Variants in ANKRD13C observed in about 807,000 individuals in gnomAD.
The protein encoded by ANKRD13C is ankyrin repeat domain-containing protein 13C.
A neutral mutation model predicts 65.5 loss-of-function variants in ANKRD13C; 16 were observed. The ratio of observed to expected loss-of-function variants is 0.24; its 90% confidence interval spans 0.17 to 0.37. The LOEUF (loss-of-function observed/expected upper bound fraction) is 0.37, where lower values mean the gene tolerates loss of function less well. ANKRD13C is among the 10% of genes least tolerant of loss of function. ANKRD13C has a pLI of 1.00. For synonymous variants in ANKRD13C, 235 were observed against 238.7 expected (o/e 0.98, Z 0.14); for missense variants, 503 against 655.9 (o/e 0.77, Z 2.55).
In ANKRD13C at chr1:70,354,690, G is replaced by A. The variant is rs1449822340; in HGVS notation, c.-282C>T. ...GCAGCCGCCGTCGCTGCCTTACACC[G>A]AAAAACAGGGCACGGCCATCTTCCT... On this transcript the variant is annotated 5_prime_UTR_variant, in exon 1 of 13. Transcript: ENST00000370944. The A allele has an allele frequency of 5.2e-6, 4 of 766,076 alleles. No homozygotes were observed. The highest frequency in any genetic ancestry group is 2.7e-5 in the East Asian group (1 of 36,974). 47.5% of individuals were successfully genotyped at this position (766,076 alleles called of 1,614,324 possible).
intron 6 of ANKRD13C, 50 bp from the exon 7 acceptor site, chr1:70,300,958 A>C (rs376961912): frequency 6.5e-7 from 1 of 1,549,086 alleles, no homozygotes; most frequent in African/African-American, 1.4e-5. Flanking sequence ...ATTTTGATAA[A>C]ACTTCACTAA....
chr1:70,351,149 G>C (rs1682727278), intron 1 of ANKRD13C, among the ~76,000 whole-genome samples: 1 of 152,178 alleles, frequency 6.6e-6, no homozygotes, highest in Admixed American at 6.5e-5. Flanking sequence ...GCTGCTGTGA[G>C]GATTAAATGT....
chr1:70,275,023 G>A (rs1478343863), intron 10 of ANKRD13C, among the ~76,000 whole-genome samples: 1 of 152,052 alleles, frequency 6.6e-6, no homozygotes, highest in African/African-American at 2.4e-5. Flanking sequence ...AAGAGTAAAA[G>A]TTCAGAAATT....
chr1:70,274,700 G>A lies in ANKRD13C; in HGVS notation c.1394+20C>T, dbSNP rs577776202. On this transcript the variant is annotated intron_variant, in intron 11 of 12. Transcript: ENST00000370944. ...TTAATAGTTTCTTTCATAAACATTTGTAGTTAGTAACAAACTTACAACTCT... is the reference window on the plus strand; with the variant it reads ...TTAATAGTTTCTTTCATAAACATTTATAGTTAGTAACAAACTTACAACTCT... The A allele has an allele frequency of 2.0e-6, 3 of 1,518,784 alleles. No homozygotes were observed. The highest frequency in any genetic ancestry group is 2.7e-5 in the African/African-American group (2 of 72,924). 94.1% of individuals were successfully genotyped at this position (1,518,784 alleles called of 1,614,324 possible).
chr1:70,334,281 G>A (rs747607744), intron 2 of ANKRD13C, among the ~76,000 whole-genome samples: 3 of 151,972 alleles, frequency 2.0e-5, no homozygotes, highest in East Asian at 1.9e-4. Context: ...AGCTAGGATC[G>A]CACCACTATA....
intron 7 of ANKRD13C, 127 bp downstream of exon 7, chr1:70,300,637 A>G: frequency 2.4e-6 from 2 of 834,156 alleles, no homozygotes; most frequent in Non-Finnish European, 3.4e-6. Context: ...TCAGGAAACT[A>G]TAGCTTTAGG....
In ANKRD13C at chr1:70,262,600, G is replaced by A. The variant is rs1490442811; in HGVS notation, c.*117C>T. On this transcript the variant is annotated 3_prime_UTR_variant, in exon 13 of 13. Coordinates refer to ENST00000370944, the MANE Select transcript of ANKRD13C (RefSeq NM_030816.5). Reference sequence around the variant, plus strand: ...CACTGTATCGTATTACTGATGTGTCGATTCAATGTGTAATTCCCTTTTCTT... The same window carrying A: ...CACTGTATCGTATTACTGATGTGTCAATTCAATGTGTAATTCCCTTTTCTT... The A allele has an allele frequency of 8.6e-7, 1 of 1,165,368 alleles. No homozygotes were observed. The highest frequency in any genetic ancestry group is 1.2e-6 in the Non-Finnish European group (1 of 846,608). 72.2% of individuals were successfully genotyped at this position (1,165,368 alleles called of 1,614,324 possible). A position where few individuals can be genotyped will look rare whatever the true frequency, so the allele number is the denominator to read the frequency against.
At chr1:70,309,715 CAA>C (rs1165416550) in intron 5 of ANKRD13C, among the ~76,000 whole-genome samples, 4 of 138,840 alleles carry the variant, frequency 2.9e-5, no homozygotes, top group Non-Finnish European at 4.6e-5. Flanking sequence ...GACTCCGTCG[CAA>C]AAAAAAAAAA....
chr1:70,314,653 A>G (rs750837536), intron 4 of ANKRD13C, among the ~76,000 whole-genome samples: 40 of 152,182 alleles, frequency 2.6e-4, no homozygotes, highest in East Asian at 7.7e-4. Context: ...TTCTTTTTCA[A>G]AAAGTGATAA....
chr1:70,309,368 C>A (rs1680736368), intron 5 of ANKRD13C, among the ~76,000 whole-genome samples: 1 of 151,264 alleles, frequency 6.6e-6, no homozygotes, highest in Admixed American at 6.6e-5. Context: ...CCACTGCACC[C>A]AGCCTACTCC....
chr1:70,353,459 C>T (rs1470730800), intron 1 of ANKRD13C, among the ~76,000 whole-genome samples: 1 of 152,100 alleles, frequency 6.6e-6, no homozygotes, highest in Non-Finnish European at 1.5e-5. Context: ...GTGTGGCTTT[C>T]AGAAATCTAA....
intron 3 of ANKRD13C, among the ~76,000 whole-genome samples, chr1:70,316,507 A>AC (rs1478988873): frequency 6.7e-6 from 1 of 149,004 alleles, no homozygotes; most frequent in African/African-American, 2.5e-5. Flanking sequence ...ACATAGTAAG[A>AC]CCCCATCTCT....
intron 8 of ANKRD13C, among the ~76,000 whole-genome samples, chr1:70,294,635 C>CT (rs1221826514): frequency 8.1e-4 from 118 of 144,912 alleles, no homozygotes; most frequent in East Asian, 9.9e-4. Flanking sequence ...TTTTCTCTCT[C>CT]TTTTTTTTTT....
intron 11 of ANKRD13C, among the ~76,000 whole-genome samples, chr1:70,273,879 C>A (rs1679006374): frequency 6.6e-6 from 1 of 151,906 alleles, no homozygotes; most frequent in African/African-American, 2.4e-5. Context: ...AGATCTCAAA[C>A]TCCTGACCTC....
chr1:70,305,885 G>C (rs1680565968), intron 6 of ANKRD13C: 1 of 154,622 alleles, frequency 6.5e-6, no homozygotes, highest in South Asian at 2.0e-4. Flanking sequence ...AATAAATCCA[G>C]GATCAGGAAG....
At chr1:70,265,365 A>G (rs1403313992) in intron 12 of ANKRD13C, among the ~76,000 whole-genome samples, 1 of 152,198 alleles carries the variant, frequency 6.6e-6, no homozygotes, top group East Asian at 1.9e-4. Context: ...TCAAAATAAG[A>G]AAAGTCAAAT....
At chr1:70,269,697 T>C (rs1212878481) in intron 12 of ANKRD13C, among the ~76,000 whole-genome samples, 2 of 151,846 alleles carry the variant, frequency 1.3e-5, no homozygotes, top group Non-Finnish European at 2.9e-5. Context: ...TAGAGTGACA[T>C]TTTGAAAATC....
chr1:70,329,285 C>G (rs1681681698), intron 2 of ANKRD13C, among the ~76,000 whole-genome samples: 1 of 152,176 alleles, frequency 6.6e-6, no homozygotes. Context: ...AATCCCAGCA[C>G]TTTGGGAGGC....
At chr1:70,352,339 C>CAAAAA (rs397965041) in intron 1 of ANKRD13C, among the ~76,000 whole-genome samples, 30 of 60,752 alleles carry the variant, frequency 4.9e-4, no homozygotes, top group Non-Finnish European at 7.4e-4. Flanking sequence ...GACTCCGTCT[C>CAAAAA]AAAAAAAAAA....
Sources: allele counts gnomAD v4.1 joint callset (sites outside exome capture counted in the v4.1 genomes callset), GRCh38; gene constraint gnomAD v4.1.1; transcripts MANE v1.5; gene names NCBI Gene and HGNC (gene_info 2026-07-23, HGNC 2026-07-21).